The following FREM1 variants were observed in gnomAD, a reference collection of about 807,000 sequenced individuals.
The protein encoded by FREM1 is FRAS1-related extracellular matrix protein 1.
In FREM1, 220 loss-of-function variants were observed where a neutral mutation model predicts 210.1. That is an observed-to-expected ratio of 1.05 (90% CI 0.94 to 1.17). The LOEUF is 1.17. FREM1 is among the 50% of genes most tolerant of loss of function. The pLI, the probability that FREM1 is intolerant of heterozygous loss-of-function variation, is 0.00. For synonymous variants in FREM1, 1,189 were observed against 980.2 expected (o/e 1.21, Z -3.98); for missense variants, 3,454 against 2,675.5 (o/e 1.29, Z -6.42).
Position 14,861,190 on chromosome 9 carries a change from TATACATATATACACAC to T in FREM1, c.330-1722_330-1707del, listed in dbSNP as rs1189066609. The stretch of plus-strand genomic sequence containing the variant: ...ACATGTATGTACATATATACACATA[TATACATATATACACAC>T]ATATACATATATACACATATATACA... On this transcript the variant is annotated intron_variant, in intron 3 of 36. Coordinates refer to ENST00000380880, the MANE Select transcript of FREM1 (RefSeq NM_001379081.2). Among the ~76,000 whole-genome samples, 156 of 124,380 alleles carry T rather than the reference TATACATATATACACAC, an allele frequency of 1.3e-3. 15 individuals carry two copies. The highest frequency in any genetic ancestry group is 5.5e-3 in the African/African-American group (150 of 27,414). The allele number at this position is 124,380 out of a possible 152,430, so 81.6% of individuals were successfully genotyped here.
intron 1 of FREM1, among the ~76,000 whole-genome samples, chr9:14,870,456 C>G (rs1181133208): frequency 6.6e-6 from 1 of 152,096 alleles, no homozygotes; most frequent in Non-Finnish European, 1.5e-5. Flanking sequence ...GAATGCACAT[C>G]TGGTTGTTTT....
chr9:14,819,621 A>G (rs886845260), intron 13 of FREM1, among the ~76,000 whole-genome samples, 179 bp from the exon 14 acceptor site: 6 of 152,188 alleles, frequency 3.9e-5, no homozygotes, highest in African/African-American at 9.7e-5. Context: ...TTTTTTTACT[A>G]TTTCTAATTC....
chr9:14,749,254 T>G (rs544719619), intron 30 of FREM1, among the ~76,000 whole-genome samples: 3 of 152,284 alleles, frequency 2.0e-5, no homozygotes, highest in African/African-American at 7.2e-5. Flanking sequence ...ATGTATTTTA[T>G]GTACTTCATG....
intron 13 of FREM1, among the ~76,000 whole-genome samples, chr9:14,820,849 C>G (rs1466532765): frequency 2.6e-5 from 4 of 152,192 alleles, no homozygotes; most frequent in Non-Finnish European, 2.9e-5. Flanking sequence ...AGCTCTTACT[C>G]AGAGAGGAGT....
intron 6 of FREM1, among the ~76,000 whole-genome samples, chr9:14,850,784 T>C (rs1827573602): frequency 6.6e-6 from 1 of 152,208 alleles, no homozygotes; most frequent in Admixed American, 6.5e-5. Flanking sequence ...CTAACTTCAA[T>C]GGTCTCTGTG....
At chr9:14,764,095 G>T (rs1188175758) in intron 27 of FREM1, among the ~76,000 whole-genome samples, 3 of 152,170 alleles carry the variant, frequency 2.0e-5, no homozygotes, top group Non-Finnish European at 4.4e-5. Flanking sequence ...CCACCATACT[G>T]TTCTTGTGGT....
At position 14,757,267 on chromosome 9, in the gene FREM1, G is replaced by A. The variant is rs184419234; in HGVS notation, c.5335-821C>T. Among the ~76,000 whole-genome samples, 1,067 of 152,248 alleles carry A rather than the reference G, an allele frequency of 7.0e-3. 51 individuals carry two copies. The highest frequency in any genetic ancestry group is 0.058 in the Admixed American group (890 of 15,292). ...GGTGCCCAAACACATGTTAAGAAGT[G>A]TCCTTGAGCCGGCACGGTGGCTCAC... On this transcript the variant is annotated intron_variant, in intron 28 of 36. Coordinates refer to ENST00000380880, the MANE Select transcript of FREM1 (RefSeq NM_001379081.2).
At chr9:14,744,567 A>G (rs1314384370) in intron 35 of FREM1, among the ~76,000 whole-genome samples, 1 of 152,094 alleles carries the variant, frequency 6.6e-6, no homozygotes, top group Non-Finnish European at 1.5e-5. Context: ...ACGCTTCAGT[A>G]TTTTATTCCA....
intron 10 of FREM1, among the ~76,000 whole-genome samples, chr9:14,826,269 T>C (rs1456914019): frequency 1.3e-5 from 2 of 152,108 alleles, no homozygotes; most frequent in Non-Finnish European, 2.9e-5. Flanking sequence ...TTTTTGTATT[T>C]TTAGTAGAGA....
At chr9:14,760,397 T>A (rs1845272631) in intron 27 of FREM1, among the ~76,000 whole-genome samples, 1 of 152,204 alleles carries the variant, frequency 6.6e-6, no homozygotes, top group South Asian at 2.1e-4. Flanking sequence ...TTTTTGAGGA[T>A]GTGCTTGGGA....
chr9:14,825,547 G>GTGTGTGTGTATATATATATA, intron 10 of FREM1, among the ~76,000 whole-genome samples: 2,331 of 75,342 alleles, frequency 0.031, 64 homozygotes, highest in South Asian at 0.04. Flanking sequence ...GTGTGTGTGT[G>GTGTGTGTGTATATATATATA]TATATATATA....
chr9:14,791,725 C>G (rs1247378066), intron 22 of FREM1, among the ~76,000 whole-genome samples: 1 of 152,172 alleles, frequency 6.6e-6, no homozygotes, highest in Non-Finnish European at 1.5e-5. Flanking sequence ...ATGGCCCCTG[C>G]TCAGCGACAA....
At chr9:14,748,092 C>A (rs992092146) in intron 31 of FREM1, among the ~76,000 whole-genome samples, 1 of 152,200 alleles carries the variant, frequency 6.6e-6, no homozygotes, top group African/African-American at 2.4e-5. Flanking sequence ...CACACCCAAT[C>A]GCATCATTTC....
At chr9:14,762,733 T>C (rs1845719753) in intron 27 of FREM1, among the ~76,000 whole-genome samples, 1 of 149,104 alleles carries the variant, frequency 6.7e-6, no homozygotes, top group Non-Finnish European at 1.5e-5. Context: ...ACAGAATATG[T>C]ACAATATATG....
chr9:14,769,912 C>T (rs1170634723), intron 26 of FREM1, 44 bp from the exon 27 acceptor site: 11 of 1,001,574 alleles, frequency 1.1e-5, no homozygotes, highest in Non-Finnish European at 1.6e-5. Context: ...TCAAACAAAA[C>T]ATTAAATAAA....
chr9:14,789,833 G>A (rs1851004854), intron 22 of FREM1, among the ~76,000 whole-genome samples: 1 of 152,138 alleles, frequency 6.6e-6, no homozygotes, highest in South Asian at 2.1e-4. Flanking sequence ...GCTGAGGGGG[G>A]TGGCTAACAA....
chr9:14,752,231 T>C (rs777736813), intron 29 of FREM1, among the ~76,000 whole-genome samples: 2 of 152,080 alleles, frequency 1.3e-5, no homozygotes, highest in Non-Finnish European at 2.9e-5. Context: ...TATGTTTACC[T>C]ACTAAAAGAT....
At chr9:14,875,005 T>C (rs1284576042) in intron 1 of FREM1, among the ~76,000 whole-genome samples, 1 of 152,224 alleles carries the variant, frequency 6.6e-6, no homozygotes, top group Non-Finnish European at 1.5e-5. Flanking sequence ...CCCCACTCTC[T>C]TCTGGCTTGT....
Position 14,776,084 on chromosome 9 carries a change from G to C in FREM1, c.4562C>G (p.Ala1521Gly). 6.2e-7 allele frequency: 1 copy of C among 1,612,062 alleles called. No individual in the cohort carries two copies. The highest frequency in any genetic ancestry group is 8.5e-7 in the Non-Finnish European group (1 of 1,178,438). Reference protein sequence around the residue: ...RNKGLRLAQGAVGLLSPDLLQ... With the variant: ...RNKGLRLAQGGVGLLSPDLLQ... ...GAGGTCAGGGGAAAGCAGGCCCACG[G>C]CCCCTTGGGCCAGTCTCAACCCCTT... The change falls in exon 25 of 37, where the codon GCC (alanine) becomes GGC (glycine). Residue 1521 changes from alanine to glycine, a missense_variant. Physicochemically the swap from Ala to Gly is moderately conservative, Grantham distance 60. Transcript: ENST00000380880.
Sources: allele counts gnomAD v4.1 joint callset (sites outside exome capture counted in the v4.1 genomes callset), GRCh38; gene constraint gnomAD v4.1.1; transcripts MANE v1.5; gene names NCBI Gene and HGNC (gene_info 2026-07-23, HGNC 2026-07-21).